Variants in TTLL5 observed in about 807,000 individuals in gnomAD.
TTLL5 encodes tubulin tyrosine ligase like 5.
TTLL5 carries 132 observed loss-of-function variants against 168.4 expected under a neutral mutation model. The ratio of observed to expected loss-of-function variants is 0.78; its 90% CI spans 0.68 to 0.91. The LOEUF (loss-of-function observed/expected upper bound fraction) is 0.91, where lower values mean the gene tolerates loss of function less well. Ranked by LOEUF, TTLL5 falls within the 40% of genes least tolerant of loss-of-function variation. TTLL5 has a pLI of 0.00. For synonymous variants in TTLL5, 546 were observed against 558.6 expected, an observed-to-expected ratio of 0.98 and a Z score of 0.32; for missense variants, 1,545 against 1,581.5, an observed-to-expected ratio of 0.98 and a Z score of 0.39.
intron 15 of TTLL5, among the ~76,000 whole-genome samples, chr14:75,737,989 G>T (rs144770651): frequency 7.9e-5 from 12 of 152,134 alleles, no homozygotes; most frequent in Non-Finnish European, 1.6e-4. Flanking sequence ...GTTGTCTATA[G>T]CTTAATATTG....
intron 3 of TTLL5, among the ~76,000 whole-genome samples, chr14:75,673,543 C>A (rs765873950): frequency 3.9e-5 from 6 of 152,136 alleles, no homozygotes; most frequent in Non-Finnish European, 7.3e-5. Context: ...ACTCTTTTAA[C>A]CGGTTTCATT....
At chr14:75,902,350 C>A in intron 31 of TTLL5, 126 bp downstream of exon 31, 2 of 1,022,064 alleles carry the variant, frequency 2.0e-6, no homozygotes, top group Non-Finnish European at 2.9e-6. Flanking sequence ...CCTCTCAAAA[C>A]ATTGGCAAAT....
intron 17 of TTLL5, among the ~76,000 whole-genome samples, chr14:75,752,060 A>G (rs961095776): frequency 2.0e-5 from 3 of 152,152 alleles, no homozygotes; most frequent in Admixed American, 2.0e-4. Flanking sequence ...GGAGTGTAGC[A>G]GTGAGGACAA....
intron 17 of TTLL5, among the ~76,000 whole-genome samples, chr14:75,749,718 C>T (rs562251900): frequency 1.3e-5 from 2 of 152,196 alleles, no homozygotes; most frequent in Admixed American, 6.5e-5. Context: ...AGAAAAGAGG[C>T]TCAATTAATA....
intron 28 of TTLL5, among the ~76,000 whole-genome samples, chr14:75,860,377 T>G (rs905752369): frequency 6.6e-6 from 1 of 152,212 alleles, no homozygotes; most frequent in African/African-American, 2.4e-5. Context: ...TTAAAACAGC[T>G]TTTAGCAAAT....
At chr14:75,841,358 C>A (rs1219365859) in intron 28 of TTLL5, among the ~76,000 whole-genome samples, 1 of 152,152 alleles carries the variant, frequency 6.6e-6, no homozygotes, top group Non-Finnish European at 1.5e-5. Flanking sequence ...ACACACATAC[C>A]CACAGCATTC....
intron 30 of TTLL5, among the ~76,000 whole-genome samples, chr14:75,888,801 G>A (rs1385093198): frequency 6.6e-6 from 1 of 152,052 alleles, no homozygotes; most frequent in East Asian, 1.9e-4. Context: ...TGGGCATGGT[G>A]GCAGGTGCCT....
chr14:75,937,298 T>G (rs937014397), intron 31 of TTLL5, among the ~76,000 whole-genome samples: 7 of 151,624 alleles, frequency 4.6e-5, no homozygotes, highest in Non-Finnish European at 7.4e-5. Flanking sequence ...TTTTTTTTTT[T>G]TGTATTTTTA....
At chr14:75,949,548 G>A (rs926444067) in intron 31 of TTLL5, among the ~76,000 whole-genome samples, 4 of 151,192 alleles carry the variant, frequency 2.6e-5, no homozygotes, top group South Asian at 4.2e-4. Flanking sequence ...ACATGTTCGT[G>A]GATTAAAAGT....
At chr14:75,748,824 G>T (rs1475067780) in intron 17 of TTLL5, among the ~76,000 whole-genome samples, 1 of 151,998 alleles carries the variant, frequency 6.6e-6, no homozygotes, top group Admixed American at 6.6e-5. Flanking sequence ...TCTTATTTTG[G>T]TCTTGATTTG....
intron 31 of TTLL5, among the ~76,000 whole-genome samples, chr14:75,907,314 T>G (rs1384036316): frequency 1.3e-5 from 2 of 152,242 alleles, no homozygotes; most frequent in African/African-American, 4.8e-5. Flanking sequence ...TGAAGCTGTT[T>G]CCACACTTCA....
intron 12 of TTLL5, among the ~76,000 whole-genome samples, chr14:75,726,514 A>G (rs1888192713): frequency 6.6e-6 from 1 of 152,174 alleles, no homozygotes; most frequent in Non-Finnish European, 1.5e-5. Flanking sequence ...CCCTCAAGTG[A>G]TAGGGAGGAG....
intron 28 of TTLL5, among the ~76,000 whole-genome samples, chr14:75,823,075 T>C (rs1156696527): frequency 6.6e-6 from 1 of 152,194 alleles, no homozygotes; most frequent in Non-Finnish European, 1.5e-5. Flanking sequence ...GCCTGAGGTG[T>C]GCCTCCAAGC....
chr14:75,899,466 G>T (rs1283689024), intron 30 of TTLL5, among the ~76,000 whole-genome samples: 1 of 152,216 alleles, frequency 6.6e-6, no homozygotes, highest in Non-Finnish European at 1.5e-5. Context: ...CCCATAATGT[G>T]CCTAAAGTAG....
At chr14:75,923,673 G>A (rs1276922973) in intron 31 of TTLL5, among the ~76,000 whole-genome samples, 1 of 152,238 alleles carries the variant, frequency 6.6e-6, no homozygotes, top group East Asian at 1.9e-4. Context: ...GTGCTAAGAA[G>A]AATGTATATT....
At chr14:75,868,825 G>A (rs1264124599) in intron 29 of TTLL5, among the ~76,000 whole-genome samples, 2 of 152,154 alleles carry the variant, frequency 1.3e-5, no homozygotes, top group African/African-American at 2.4e-5. Context: ...TTGTGGAGGA[G>A]GGGAGGGGAA....
At chr14:75,877,114 A>G (rs765759572) in intron 29 of TTLL5, among the ~76,000 whole-genome samples, 5 of 152,196 alleles carry the variant, frequency 3.3e-5, no homozygotes, top group Non-Finnish European at 7.3e-5. Flanking sequence ...TCACAAAGAG[A>G]CATTAACCTA....
intron 28 of TTLL5, among the ~76,000 whole-genome samples, chr14:75,851,115 A>AAAG (rs1167749946): frequency 6.6e-6 from 1 of 151,672 alleles, no homozygotes; most frequent in Admixed American, 6.6e-5. Context: ...AAAAAAAAAA[A>AAAG]AAGTTAATGG....
chr14:75,944,113 T>C (rs1279859111), intron 31 of TTLL5, among the ~76,000 whole-genome samples: 1 of 152,188 alleles, frequency 6.6e-6, no homozygotes, highest in Non-Finnish European at 1.5e-5. Flanking sequence ...CTTGGTCTCT[T>C]CTTCTGCCTT....
Sources: allele counts gnomAD v4.1 joint callset (sites outside exome capture counted in the v4.1 genomes callset), GRCh38; gene constraint gnomAD v4.1.1; transcripts MANE v1.5; gene names NCBI Gene and HGNC (gene_info 2026-07-23, HGNC 2026-07-21).